Variants in PTPN11 observed in about 807,000 individuals in gnomAD.
The protein encoded by PTPN11 is protein tyrosine phosphatase non-receptor type 11.
Under a neutral mutation model 78.8 loss-of-function variants are expected in PTPN11, and 6 were observed. The ratio of observed to expected loss-of-function variants is 0.08; its 90% confidence interval spans 0.04 to 0.15. The LOEUF (loss-of-function observed/expected upper bound fraction) is 0.15. Among genes scored for constraint, PTPN11 ranks in the 10% least tolerant of loss-of-function variants. The pLI is 1.00. For missense variants in PTPN11, 386 were observed against 744.8 expected (o/e 0.52, Z 5.61); for synonymous variants, 221 against 263.5 (o/e 0.84, Z 1.56).
rs1423890543 is a variant in PTPN11 at position 112,454,671 on chromosome 12, A to G, written c.633A>G (p.Gln211=). ...TGGAAACATTGGGTACAGTACTACA[A>G]CTCAAGCAGGTGAGCAGATTGGAAA... ...PMVETLGTVL[Q]LKQPLNTTRI... is the part of the protein sequence containing the mutation. The change falls in exon 5 of 16, where the codon CAA becomes CAG. Residue 211 remains glutamine (Q), a synonymous_variant. Transcript: ENST00000351677. 1 of 1,607,726 alleles carries G rather than the reference A, an allele frequency of 6.2e-7. No individual in the cohort carries two copies. Among genetic ancestry groups the G allele is most frequent in the South Asian group, 1.1e-5 (1 of 90,944 alleles).
chr12:112,447,161 A>T (rs893235212), intron 2 of PTPN11, among the ~76,000 whole-genome samples: 3 of 151,900 alleles, frequency 2.0e-5, no homozygotes, highest in Admixed American at 6.6e-5. Flanking sequence ...GAGCCACCAC[A>T]CTCAGACTTT....
intron 9 of PTPN11, among the ~76,000 whole-genome samples, chr12:112,480,100 AG>A (rs1264961538): frequency 6.6e-6 from 1 of 152,186 alleles, no homozygotes; most frequent in East Asian, 1.9e-4. Flanking sequence ...TTTAGAAACT[AG>A]GGGGAGGGCT....
intron 1 of PTPN11, among the ~76,000 whole-genome samples, chr12:112,427,925 A>AT (rs1272406193): frequency 1.3e-5 from 2 of 151,756 alleles, no homozygotes; most frequent in African/African-American, 2.4e-5. Context: ...TAAGTTTTTC[A>AT]TTTTTTATAC....
intron 1 of PTPN11, among the ~76,000 whole-genome samples, chr12:112,438,465 A>T (rs1398141967): frequency 6.6e-6 from 1 of 151,520 alleles, no homozygotes; most frequent in Non-Finnish European, 1.5e-5. Context: ...CTGGGACTAC[A>T]GGAGCACACC....
chr12:112,465,814 T>A (rs2038318048), intron 6 of PTPN11, among the ~76,000 whole-genome samples: 1 of 152,166 alleles, frequency 6.6e-6, no homozygotes. Context: ...CAAAGAACAA[T>A]GTCAAGGACA....
intron 1 of PTPN11, among the ~76,000 whole-genome samples, chr12:112,440,965 CTTTTTTT>C (rs376303682): frequency 7.6e-6 from 1 of 131,556 alleles, no homozygotes; most frequent in Non-Finnish European, 1.7e-5. Context: ...CTTTTCTTTT[CTTTTTTT>C]TTTTTTTTTG....
intron 1 of PTPN11, among the ~76,000 whole-genome samples, chr12:112,431,779 A>G (rs2037717146): frequency 6.6e-6 from 1 of 152,236 alleles, no homozygotes; most frequent in East Asian, 1.9e-4. Context: ...AACATTTTGC[A>G]TGTATTAATT....
intron 11 of PTPN11, among the ~76,000 whole-genome samples, chr12:112,488,069 C>G (rs1020425225): frequency 6.6e-6 from 1 of 152,148 alleles, no homozygotes; most frequent in African/African-American, 2.4e-5. Flanking sequence ...TAGGTGAGAG[C>G]CACTGCGCCC....
intron 4 of PTPN11, among the ~76,000 whole-genome samples, chr12:112,453,652 T>G (rs914496035): frequency 6.6e-6 from 1 of 151,718 alleles, no homozygotes; most frequent in East Asian, 1.9e-4. Flanking sequence ...TTCTGTTTTT[T>G]TTTTTTTTTT....
intron 6 of PTPN11, chr12:112,457,581 A>T (rs966673288): frequency 1.3e-5 from 2 of 152,794 alleles, no homozygotes; most frequent in Admixed American, 1.3e-4. Context: ...TAGATCCTTG[A>T]GGAGTCACCA....
At chr12:112,473,845 CAA>C (rs560246280) in intron 7 of PTPN11, among the ~76,000 whole-genome samples, 2 of 135,154 alleles carry the variant, frequency 1.5e-5, no homozygotes, top group African/African-American at 2.7e-5. Flanking sequence ...AACTCCGTCT[CAA>C]AAAAAAAAAA....
At chr12:112,448,365 C>T (rs1385271878) in intron 2 of PTPN11, among the ~76,000 whole-genome samples, 1 of 151,712 alleles carries the variant, frequency 6.6e-6, no homozygotes, top group African/African-American at 2.4e-5. Context: ...GCCTGGTGTA[C>T]ACTACCACAC....
At chr12:112,460,299 T>G (rs2135878360) in intron 6 of PTPN11, among the ~76,000 whole-genome samples, 1 of 152,248 alleles carries the variant, frequency 6.6e-6, no homozygotes, top group Non-Finnish European at 1.5e-5. Flanking sequence ...ATGAAAAAAT[T>G]TCAAATGTGT....
chr12:112,420,213 C>T (rs892143498), intron 1 of PTPN11, among the ~76,000 whole-genome samples: 1 of 152,186 alleles, frequency 6.6e-6, no homozygotes, highest in Admixed American at 6.5e-5. Context: ...TTTGTATAGT[C>T]ACTCTATATA....
rs960929440 is a variant in PTPN11, at chr12:112,427,939, C to T, written c.14+8814C>T. Among the ~76,000 whole-genome samples, 9 of 151,958 alleles carry T rather than the reference C, an allele frequency of 5.9e-5. No homozygotes were observed. The South Asian group carries it at 6.2e-4, about 10-fold the overall frequency. On this transcript the variant is annotated intron_variant, in intron 1 of 15. Transcript: ENST00000351677. ...TTAAGTTTTTCATTTTTTATACAGA[C>T]GGGGTCTTGCTATGCTGTCCAGGCT...
At chr12:112,505,464 C>T (rs12317018) in intron 15 of PTPN11, among the ~76,000 whole-genome samples, 2,221 of 151,930 alleles carry the variant, frequency 0.015, 61 homozygotes, top group African/African-American at 0.05. Flanking sequence ...GTCAGGAGTT[C>T]GAGACCAGCC....
In PTPN11 at chr12:112,504,871, G is replaced by A; in HGVS notation, c.*32+75G>A. 3.0e-6 allele frequency: 3 copies of A among 997,656 alleles called. No homozygotes were observed. Among genetic ancestry groups the A allele is most frequent in the Non-Finnish European group, 3.1e-6 (2 of 647,162 alleles). 61.8% of individuals were successfully genotyped at this position (997,656 alleles called of 1,614,324 possible). A position where few individuals can be genotyped will look rare whatever the true frequency, so the allele number is the denominator to read the frequency against. On this transcript the variant is annotated intron_variant, in intron 15 of 15. Transcript: ENST00000351677. This position sits in a 1 kb window ranked among gnomAD's most constrained non-coding sequence, Gnocchi z 4.7. The stretch of plus-strand genomic sequence containing the variant: ...TATTTTTAAGCAGGCAAGCAATTTG[G>A]GAATGTTTTAGCAAAGTGTACCATA...
intron 2 of PTPN11, among the ~76,000 whole-genome samples, chr12:112,450,040 C>T (rs959057834): frequency 2.0e-5 from 3 of 149,476 alleles, no homozygotes; most frequent in African/African-American, 7.4e-5. Context: ...GAACCGAGAT[C>T]ACGTCATTGC....
intron 13 of PTPN11, among the ~76,000 whole-genome samples, chr12:112,497,888 C>T (rs2038831321): frequency 6.6e-6 from 1 of 152,164 alleles, no homozygotes; most frequent in African/African-American, 2.4e-5. Context: ...TGTGGTGGCT[C>T]ACGCCTGTAA....
Sources: allele counts gnomAD v4.1 joint callset (sites outside exome capture counted in the v4.1 genomes callset), GRCh38; gene constraint gnomAD v4.1.1; non-coding constraint Gnocchi (gnomAD v3.1); transcripts MANE v1.5; gene names NCBI Gene and HGNC (gene_info 2026-07-23, HGNC 2026-07-21).